The following PTPRG variants were observed in gnomAD, a reference collection of about 807,000 sequenced individuals.
PTPRG encodes receptor-type tyrosine-protein phosphatase gamma.
A neutral mutation model predicts 165.3 loss-of-function variants in PTPRG; 102 were observed. The ratio of observed to expected loss-of-function variants is 0.62; its 90% CI spans 0.53 to 0.73. The LOEUF (loss-of-function observed/expected upper bound fraction) is 0.73, where lower values mean the gene tolerates loss of function less well. Ranked by LOEUF, PTPRG falls within the 30% of genes least tolerant of loss-of-function variation. The probability of loss-of-function intolerance (pLI) is 0.00; values close to 1 mark genes in which losing one functional copy is unlikely to be tolerated. For missense variants in PTPRG, 1,866 were observed against 1,861.4 expected (o/e 1.00, Z -0.05); for synonymous variants, 675 against 669.5 (o/e 1.01, Z -0.13).
At chr3:61,617,642 T>G (rs1425908502) in intron 1 of PTPRG, among the ~76,000 whole-genome samples, 1 of 152,224 alleles carries the variant, frequency 6.6e-6, no homozygotes, top group Admixed American at 6.5e-5. Context: ...TCAACCTCCC[T>G]CTTGCCTTCC....
intron 1 of PTPRG, among the ~76,000 whole-genome samples, chr3:61,609,507 A>G (rs1701107158): frequency 6.6e-6 from 1 of 152,248 alleles, no homozygotes; most frequent in African/African-American, 2.4e-5. Context: ...TGGTTCACCA[A>G]CAACTACAAG....
intron 1 of PTPRG, among the ~76,000 whole-genome samples, chr3:61,717,026 G>T (rs1449599206): frequency 6.6e-6 from 1 of 152,098 alleles, no homozygotes; most frequent in Non-Finnish European, 1.5e-5. Flanking sequence ...AACCAATTAT[G>T]GTGACTTGTT....
At chr3:61,805,162 T>A (rs1396183555) in intron 2 of PTPRG, among the ~76,000 whole-genome samples, 3 of 152,092 alleles carry the variant, frequency 2.0e-5, no homozygotes, top group African/African-American at 7.2e-5. Flanking sequence ...GGTTCTCAAT[T>A]TGGGGCTATT....
chr3:61,950,792 A>T (rs767651324), intron 2 of PTPRG, among the ~76,000 whole-genome samples: 7 of 152,182 alleles, frequency 4.6e-5, no homozygotes, highest in Non-Finnish European at 1.0e-4. Flanking sequence ...TTTGATCTTT[A>T]TGTTTAAATT....
At chr3:61,858,508 G>T (rs1482544797) in intron 2 of PTPRG, among the ~76,000 whole-genome samples, 1 of 151,970 alleles carries the variant, frequency 6.6e-6, no homozygotes, top group Non-Finnish European at 1.5e-5. Context: ...TATAATTGTG[G>T]GATTAAACCA....
Position 61,745,107 on chromosome 3 carries a change from G to A in PTPRG, c.86-3771G>A, listed in dbSNP as rs566025664. Among the ~76,000 whole-genome samples the A allele has an allele frequency of 7.1e-4, 103 of 145,494 alleles. 1 individual carries two copies. Among genetic ancestry groups the A allele is most frequent in the African/African-American group, 2.6e-3 (101 of 39,146 alleles). Reference sequence around the variant, plus strand: ...TGCTCTGTTGCCAGGCTGGAGTGCAGTGGCGTGATCTCGGCTCTCTGCAAG... The same window carrying A: ...TGCTCTGTTGCCAGGCTGGAGTGCAATGGCGTGATCTCGGCTCTCTGCAAG... On this transcript the variant is annotated intron_variant, in intron 1 of 29. Coordinates refer to ENST00000474889, the MANE Select transcript of PTPRG (RefSeq NM_002841.4).
At chr3:61,582,458 G>C (rs1265791117) in intron 1 of PTPRG, among the ~76,000 whole-genome samples, 1 of 152,164 alleles carries the variant, frequency 6.6e-6, no homozygotes, top group Non-Finnish European at 1.5e-5. Flanking sequence ...TTCTCTAGGG[G>C]GGAATGGGGA....
intron 2 of PTPRG, among the ~76,000 whole-genome samples, chr3:61,931,495 C>T (rs2039359876): frequency 6.6e-6 from 1 of 152,180 alleles, no homozygotes; most frequent in Non-Finnish European, 1.5e-5. Flanking sequence ...CGTGCTGCCT[C>T]CGGAGCTAAG....
At chr3:61,929,657 A>G (rs1324931385) in intron 2 of PTPRG, among the ~76,000 whole-genome samples, 1 of 152,234 alleles carries the variant, frequency 6.6e-6, no homozygotes, top group Non-Finnish European at 1.5e-5. Flanking sequence ...GTGCATTTGA[A>G]AAATGAGCAC....
chr3:62,177,116 A>AAT (rs1705456076), intron 8 of PTPRG, among the ~76,000 whole-genome samples: 1 of 151,766 alleles, frequency 6.6e-6, no homozygotes, highest in East Asian at 1.9e-4. Flanking sequence ...AGAAAAAAAA[A>AAT]TTTATCTTTT....
chr3:62,098,959 C>A (rs774221198), intron 5 of PTPRG, among the ~76,000 whole-genome samples: 22 of 152,164 alleles, frequency 1.4e-4, no homozygotes, highest in Non-Finnish European at 2.6e-4. Flanking sequence ...AAAGGCATAT[C>A]GTAGTGCCAC....
intron 1 of PTPRG, among the ~76,000 whole-genome samples, chr3:61,582,401 C>G (rs1700320079): frequency 6.6e-6 from 1 of 152,100 alleles, no homozygotes; most frequent in African/African-American, 2.4e-5. Flanking sequence ...GGAAAGCTGT[C>G]CAGTACATTC....
At chr3:61,826,838 T>TC (rs2036127359) in intron 2 of PTPRG, among the ~76,000 whole-genome samples, 1 of 151,040 alleles carries the variant, frequency 6.6e-6, no homozygotes, top group South Asian at 2.2e-4. Flanking sequence ...AAGGTTTTTT[T>TC]TTTTTTTTTT....
At chr3:62,169,074 C>T (rs946210595) in intron 8 of PTPRG, among the ~76,000 whole-genome samples, 2 of 152,138 alleles carry the variant, frequency 1.3e-5, no homozygotes, top group Admixed American at 6.5e-5. Flanking sequence ...CTATCCCTCT[C>T]GTCTGCTTCT....
intron 4 of PTPRG, among the ~76,000 whole-genome samples, chr3:62,008,824 C>T (rs556233879): frequency 1.3e-5 from 2 of 152,278 alleles, no homozygotes; most frequent in South Asian, 4.2e-4. Flanking sequence ...GAATGTACTG[C>T]TGCTGATTTG....
chr3:61,623,004 A>C (rs752348609), intron 1 of PTPRG, among the ~76,000 whole-genome samples: 4 of 152,146 alleles, frequency 2.6e-5, no homozygotes, highest in Non-Finnish European at 5.9e-5. Context: ...GCTGATGGAG[A>C]GACTGGTATT....
intron 3 of PTPRG, among the ~76,000 whole-genome samples, chr3:61,999,674 T>C (rs2041124992): frequency 6.6e-6 from 1 of 152,230 alleles, no homozygotes; most frequent in South Asian, 2.1e-4. Flanking sequence ...TTTGATTAAA[T>C]GAATTGATTT....
intron 2 of PTPRG, among the ~76,000 whole-genome samples, chr3:61,964,888 C>G (rs1382003222): frequency 6.6e-6 from 1 of 152,150 alleles, no homozygotes; most frequent in East Asian, 1.9e-4. Flanking sequence ...AGATTAGTAT[C>G]TCTTTGAATT....
intron 5 of PTPRG, among the ~76,000 whole-genome samples, chr3:62,121,531 C>T (rs1280559160): frequency 6.6e-6 from 1 of 152,150 alleles, no homozygotes; most frequent in Non-Finnish European, 1.5e-5. Flanking sequence ...TTAACCACTA[C>T]ACTAGTCTTA....
Sources: gnomAD v4.1 joint callset for allele counts (sites outside exome capture counted in the v4.1 genomes callset) on GRCh38, gnomAD v4.1.1 for gene constraint, MANE v1.5 for transcripts, NCBI Gene and HGNC (gene_info 2026-07-23, HGNC 2026-07-21) for gene names.